NFAM1: variants seen among roughly 807,000 people sequenced by gnomAD.
NFAM1 encodes NFAT activation molecule 1.
NFAM1 carries 17 observed loss-of-function variants against 29.0 expected under a neutral mutation model. That is an observed-to-expected ratio of 0.59 (90% CI 0.40 to 0.88). The LOEUF is 0.88. Among genes scored for constraint, NFAM1 ranks in the 40% least tolerant of loss-of-function variants. The probability of loss-of-function intolerance (pLI) is 0.00; values close to 1 mark genes in which losing one functional copy is unlikely to be tolerated. For synonymous variants in NFAM1, 175 were observed against 147.2 expected, an observed-to-expected ratio of 1.19 and a Z score of -1.36; for missense variants, 324 against 344.6, an observed-to-expected ratio of 0.94 and a Z score of 0.47.
intron 4 of NFAM1, among the ~76,000 whole-genome samples, chr22:42,392,546 G>T (rs1432886912): frequency 6.6e-6 from 1 of 152,118 alleles, no homozygotes; most frequent in South Asian, 2.1e-4. Flanking sequence ...GTGGAGAAAC[G>T]GCAGGGAGCT....
chr22:42,437,881 G>A, the NFAM1 span: 267 of 152,590 alleles, frequency 1.7e-3, 1 homozygote, highest in Non-Finnish European at 2.9e-3. Flanking sequence ...AGGGCGTGGC[G>A]GCTGCAGGAC....
chr22:42,405,393 T>A (rs1929862559), intron 3 of NFAM1, among the ~76,000 whole-genome samples: 1 of 152,050 alleles, frequency 6.6e-6, no homozygotes, highest in South Asian at 2.1e-4. Flanking sequence ...TGAAGCCCAG[T>A]TTCTGTGTCC....
At chr22:42,391,735 A>G (rs1233469456) in intron 4 of NFAM1, among the ~76,000 whole-genome samples, 2 of 151,938 alleles carry the variant, frequency 1.3e-5, no homozygotes, top group East Asian at 3.9e-4. Context: ...ATTTGAGGTC[A>G]GGAGTTCGAG....
intron 1 of NFAM1, among the ~76,000 whole-genome samples, chr22:42,416,593 C>T (rs558307078): frequency 2.1e-4 from 32 of 152,210 alleles, no homozygotes; most frequent in African/African-American, 7.5e-4. Flanking sequence ...ATGGAGACCA[C>T]GGGGTCACAG....
At chr22:42,399,665 C>G (rs1929662152) in intron 3 of NFAM1, among the ~76,000 whole-genome samples, 1 of 151,994 alleles carries the variant, frequency 6.6e-6, no homozygotes, top group Non-Finnish European at 1.5e-5. Flanking sequence ...TGGGCCGGGC[C>G]TGCTGGGAAG....
In NFAM1 at chr22:42,426,921, C is replaced by G. The variant is rs535958176; in HGVS notation, c.121+5316G>C. Among the ~76,000 whole-genome samples the G allele has an allele frequency of 2.0e-5, 3 of 152,256 alleles. No individual in the cohort carries two copies. In the South Asian group the frequency reaches 6.2e-4, roughly 32 times the overall value. On this transcript the variant is annotated intron_variant, in intron 1 of 5. Transcript: ENST00000329021. Reference sequence around the variant, plus strand: ...GGGTCCCAGGTGCCACGCCCTGAGGCCATCATGGTACTGGATGTACCTTCC... The same window carrying G: ...GGGTCCCAGGTGCCACGCCCTGAGGGCATCATGGTACTGGATGTACCTTCC...
intron 5 of NFAM1, 46 bp downstream of exon 5, chr22:42,386,943 T>C: frequency 9.7e-7 from 1 of 1,034,796 alleles, no homozygotes; most frequent in Non-Finnish European, 1.4e-6. Flanking sequence ...GATGGGAGGG[T>C]CAGATGGAGC....
Position 42,397,882 on chromosome 22 carries a change from C to G in NFAM1, c.639G>C (p.Gln213His), listed in dbSNP as rs771911335. 1 of 1,612,538 alleles carries G rather than the reference C, an allele frequency of 6.2e-7. No individual in the cohort carries two copies. The highest frequency in any genetic ancestry group is 8.5e-7 in the Non-Finnish European group (1 of 1,178,852). The change falls in exon 4 of 6, where the codon CAG becomes CAC. Residue 213 changes from glutamine to histidine, a missense_variant. Gln to His is a conservative substitution (Grantham distance 24). Coordinates refer to ENST00000329021, the MANE Select transcript of NFAM1 (RefSeq NM_145912.8). ...PDPRSASSPK[Q>H]HPSESVYTAL... ...CTGTGTAGACAGATTCTGAAGGATG[C>G]TGCTTGGGGCTGCTGGCAGATCTTG... is the stretch of plus-strand genomic sequence containing the variant.
intron 1 of NFAM1, among the ~76,000 whole-genome samples, chr22:42,416,373 G>C (rs1357871281): frequency 2.6e-5 from 4 of 152,182 alleles, no homozygotes; most frequent in Non-Finnish European, 5.9e-5. Flanking sequence ...GTGGGGCCAG[G>C]CTTCGGACCC....
rs1271546275 is a variant in NFAM1, at chr22:42,388,967, G to A, written c.664-1889C>T. ...CCTGTCCGGAGCACCAGCCACCCCA[G>A]CTGGTCTGGCACCCAGGATGGGAAT... On this transcript the variant is annotated intron_variant, in intron 4 of 5. Transcript: ENST00000329021. This position sits in a 1 kb window ranked among gnomAD's most constrained non-coding sequence, Gnocchi z 4.1. Among the ~76,000 whole-genome samples the A allele has an allele frequency of 4.6e-5, 7 of 152,208 alleles. No individual in the cohort carries two copies. The highest frequency in any genetic ancestry group is 7.3e-5 in the Non-Finnish European group (5 of 68,036).
At position 42,411,679 on chromosome 22, in the gene NFAM1, G is replaced by T. The variant is rs1281405426; in HGVS notation, c.179C>A (p.Ala60Asp). 1.2e-6 allele frequency: 2 copies of T among 1,613,980 alleles called. No individual in the cohort carries two copies. Among genetic ancestry groups the T allele is most frequent in the Non-Finnish European group, 1.7e-6 (2 of 1,179,924 alleles). The change falls in exon 2 of 6, where the codon GCT becomes GAT. Residue 60 changes from alanine (A) to aspartate (D), a missense_variant. By Grantham distance (126) the Ala-to-Asp change is moderately radical. Coordinates refer to ENST00000329021, the MANE Select transcript of NFAM1 (RefSeq NM_145912.8). ...LPIMASLANT[A>D]ISFSCRITYP... is the part of the protein sequence containing the mutation. ...GGTGATCCTGCAGCTGAAGGAGATA[G>T]CTGTGTTGGCCAGGGAGGCCATGAT...
chr22:42,424,700 G>A (rs1930566866), intron 1 of NFAM1, among the ~76,000 whole-genome samples: 1 of 152,004 alleles, frequency 6.6e-6, no homozygotes, highest in East Asian at 1.9e-4. Context: ...CTTGAAATGG[G>A]CACTGTGCCT....
chr22:42,423,195 C>T (rs1247085149), intron 1 of NFAM1, among the ~76,000 whole-genome samples: 1 of 151,080 alleles, frequency 6.6e-6, no homozygotes, highest in Non-Finnish European at 1.5e-5. Context: ...TTTGTTCACC[C>T]AAAGTCTCAC....
rs551976711 is a variant in NFAM1, at chr22:42,411,927, G to A, written c.122-191C>T. 2.0e-5 allele frequency among the ~76,000 whole-genome samples: 3 copies of A among 152,226 alleles called. No individual in the cohort carries two copies. In the South Asian group the frequency reaches 6.2e-4, roughly 32 times the overall value. On this transcript the variant is annotated intron_variant, in intron 1 of 5. Coordinates refer to ENST00000329021, the MANE Select transcript of NFAM1 (RefSeq NM_145912.8). ...AGCCTGGCCAACATGGTGAAACCCC[G>A]TCTCTACTAAAAATACAAAAATTAG...
chr22:42,407,363 T>C (rs1180494296), intron 3 of NFAM1, among the ~76,000 whole-genome samples: 1 of 152,036 alleles, frequency 6.6e-6, no homozygotes, highest in Non-Finnish European at 1.5e-5. Context: ...ATTACAAGCA[T>C]AAGCCACCGC....
rs1229769427 is a variant in NFAM1, at chr22:42,382,461, G to A, written c.*2700C>T. ...AGCAGGGATTCAAGGGAGGCCCTGA[G>A]GCCACCCAGCCTGGGTGGGTCTCAA... On this transcript the variant is annotated 3_prime_UTR_variant, in exon 6 of 6. Transcript: ENST00000329021. 2.0e-5 allele frequency: 3 copies of A among 152,012 alleles called. No individual in the cohort carries two copies. Among genetic ancestry groups the A allele is most frequent in the Admixed American group, 2.0e-4 (3 of 15,276 alleles). 9.4% of individuals were successfully genotyped at this position (152,012 alleles called of 1,614,324 possible).
chr22:42,411,803 T>TTAACAGGCAA, intron 1 of NFAM1, 67 bp from the exon 2 acceptor site: 1 of 1,155,532 alleles, frequency 8.7e-7, no homozygotes, highest in Non-Finnish European at 1.3e-6. Context: ...CCCACTTGCC[T>TTAACAGGCAA]GTTAAGGCTC....
Position 42,410,658 on chromosome 22 carries a change from C to CAA in NFAM1, c.451+747_451+748dup, listed in dbSNP as rs35345430. ...TGGGTGACAGAGCGAGACTCTGTCT[C>CAA]AAAAAAAAAAAAAAAGAGAGAGCAT... is the stretch of plus-strand genomic sequence containing the variant. On this transcript the variant is annotated intron_variant, in intron 2 of 5. Coordinates refer to ENST00000329021, the MANE Select transcript of NFAM1 (RefSeq NM_145912.8). Among the ~76,000 whole-genome samples, 8 of 119,046 alleles carry CAA rather than the reference C, an allele frequency of 6.7e-5. No homozygotes were observed. The South Asian group carries it at 7.6e-4, about 11-fold the overall frequency. The allele number at this position is 119,046 out of a possible 152,430, so 78.1% of individuals were successfully genotyped here. A position where few individuals can be genotyped will look rare whatever the true frequency, so the allele number is the denominator to read the frequency against.
chr22:42,392,972 G>C (rs1421100245), intron 4 of NFAM1, among the ~76,000 whole-genome samples: 1 of 151,732 alleles, frequency 6.6e-6, no homozygotes, highest in Non-Finnish European at 1.5e-5. Context: ...GCTAATTTTT[G>C]TATTTTTAGT....
Sources: allele counts gnomAD v4.1 joint callset (sites outside exome capture counted in the v4.1 genomes callset), GRCh38; gene constraint gnomAD v4.1.1; non-coding constraint Gnocchi (gnomAD v3.1); transcripts MANE v1.5; gene names NCBI Gene and HGNC (gene_info 2026-07-23, HGNC 2026-07-21).